MAP4: variants seen among roughly 807,000 people sequenced by gnomAD.
MAP4 encodes microtubule-associated protein 4.
MAP4 carries 76 observed loss-of-function variants against 170.2 expected under a neutral mutation model. That is an observed-to-expected ratio of 0.45 (90% CI 0.37 to 0.54). The LOEUF (loss-of-function observed/expected upper bound fraction) is 0.54. Among genes scored for constraint, MAP4 ranks in the 20% least tolerant of loss-of-function variants. The pLI, the probability that MAP4 is intolerant of heterozygous loss-of-function variation, is 0.00. For synonymous variants in MAP4, 909 were observed against 994.5 expected, an observed-to-expected ratio of 0.91 and a Z score of 1.62; for missense variants, 2,506 against 2,748.0, an observed-to-expected ratio of 0.91 and a Z score of 1.97.
At chr3:47,966,727 T>C (rs958198835) in intron 3 of MAP4, among the ~76,000 whole-genome samples, 8 of 152,200 alleles carry the variant, frequency 5.3e-5, no homozygotes, top group African/African-American at 1.9e-4. Flanking sequence ...TCATCATTTA[T>C]TGAAAACACC....
intron 3 of MAP4, among the ~76,000 whole-genome samples, chr3:47,958,434 T>C (rs2100069188): frequency 1.3e-5 from 2 of 152,330 alleles, no homozygotes; most frequent in South Asian, 4.1e-4. Flanking sequence ...GAACTTTCTC[T>C]TTGTTATATT....
In MAP4 at chr3:47,910,008, G is replaced by A; in HGVS notation, c.4413C>T (p.Ala1471=). 4 of 1,613,924 alleles carry A rather than the reference G, an allele frequency of 2.5e-6. No individual in the cohort carries two copies. Among genetic ancestry groups the A allele is most frequent in the Non-Finnish European group, 3.4e-6 (4 of 1,179,870 alleles). Residue 1471 remains alanine (A), a synonymous_variant, in exon 9 of 21, where the codon GCC becomes GCT. Transcript: ENST00000683076. ...CTACCATTAATGATTTGGAAATCTG[G>A]GCTGGGGCTATCTCTTGCCCATTTT... ...LAKNGQEIAP[A]QISKSLMVDN... is the part of the protein sequence containing the mutation.
intron 3 of MAP4, among the ~76,000 whole-genome samples, chr3:47,945,770 A>C (rs1445709521): frequency 6.6e-6 from 1 of 151,690 alleles, no homozygotes; most frequent in Non-Finnish European, 1.5e-5. Flanking sequence ...CCCAGGCTGG[A>C]GTGCAGTGGA....
intron 1 of MAP4, among the ~76,000 whole-genome samples, chr3:48,068,656 C>T (rs945817893): frequency 6.6e-5 from 10 of 152,100 alleles, no homozygotes; most frequent in East Asian, 3.9e-4. Context: ...TGGTGGCAGG[C>T]GCCTGTAATC....
At chr3:47,955,553 G>T (rs1338836813) in intron 3 of MAP4, among the ~76,000 whole-genome samples, 1 of 151,662 alleles carries the variant, frequency 6.6e-6, no homozygotes, top group East Asian at 1.9e-4. Flanking sequence ...AGATGCTTTA[G>T]TAAGACATAT....
chr3:47,959,989 A>C (rs2100070555), intron 3 of MAP4, among the ~76,000 whole-genome samples: 1 of 151,952 alleles, frequency 6.6e-6, no homozygotes, highest in African/African-American at 2.4e-5. Context: ...CAGCCTCCCA[A>C]GTAACTGGGA....
At chr3:47,895,320 G>A (rs541079520) in intron 10 of MAP4, among the ~76,000 whole-genome samples, 1 of 152,312 alleles carries the variant, frequency 6.6e-6, no homozygotes, top group Non-Finnish European at 1.5e-5. Flanking sequence ...CTCTATAAAA[G>A]GAGGGGAATC....
intron 1 of MAP4, among the ~76,000 whole-genome samples, chr3:48,076,629 A>T (rs1020918471): frequency 6.6e-6 from 1 of 152,004 alleles, no homozygotes; most frequent in East Asian, 1.9e-4. Context: ...CAGTGGGCAG[A>T]TATCATGCCA....
At position 47,915,978 on chromosome 3, in the gene MAP4, C is replaced by G; in HGVS notation, c.1849G>C (p.Ala617Pro). ...GGTGAAATCATGAAAGTAGGTGCAG[C>G]TGACTGCCCCACATCCTGCAGAGAT... ...LESLQDVGQS[A>P]APTFMISPET... Residue 617 changes from alanine (A) to proline (P), a missense_variant, in exon 7 of 21, where the codon GCT (alanine) becomes CCT (proline). Ala to Pro is a conservative substitution (Grantham distance 27). Around this residue, in one of 3 missense-constraint regions of MAP4, gnomAD observed 2,008 missense variants for 2,206.0 expected, o/e 0.91. Coordinates refer to ENST00000683076, the MANE Select transcript of MAP4 (RefSeq NM_001385682.1). 2 of 1,613,126 alleles carry G rather than the reference C, an allele frequency of 1.2e-6. No homozygotes were observed. Among genetic ancestry groups the G allele is most frequent in the Non-Finnish European group, 1.7e-6 (2 of 1,179,490 alleles).
intron 1 of MAP4, among the ~76,000 whole-genome samples, chr3:48,047,042 C>A (rs558405041): frequency 9.1e-4 from 137 of 151,304 alleles, no homozygotes; most frequent in African/African-American, 3.2e-3. Context: ...TGCAGTAAGC[C>A]GAGACCACAC....
At chr3:48,061,525 G>A (rs759544092) in intron 1 of MAP4, among the ~76,000 whole-genome samples, 7 of 139,360 alleles carry the variant, frequency 5.0e-5, no homozygotes, top group Non-Finnish European at 1.1e-4. Context: ...GTGCAGTGGC[G>A]TGATCTCAGC....
chr3:47,944,291 G>A (rs757288154), intron 3 of MAP4, among the ~76,000 whole-genome samples: 5 of 151,990 alleles, frequency 3.3e-5, no homozygotes, highest in Non-Finnish European at 7.4e-5. Context: ...GCCTGGGCGA[G>A]AGAGCAAAAC....
chr3:47,979,238 A>G (rs2100083996), intron 2 of MAP4, among the ~76,000 whole-genome samples: 2 of 136,774 alleles, frequency 1.5e-5, no homozygotes, highest in Non-Finnish European at 1.6e-5. Flanking sequence ...TAATTAGGTG[A>G]TTAGGTAGTT....
In MAP4 at chr3:47,857,782, C is replaced by T. The variant is rs974119838; in HGVS notation, c.6502-270G>A. Among the ~76,000 whole-genome samples the T allele has an allele frequency of 5.9e-5, 9 of 151,810 alleles. No homozygotes were observed. In the East Asian group the frequency reaches 1.7e-3, roughly 29 times the overall value. On this transcript the variant is annotated intron_variant, in intron 17 of 20. Coordinates refer to ENST00000683076, the MANE Select transcript of MAP4 (RefSeq NM_001385682.1). The stretch of plus-strand genomic sequence containing the variant: ...GGAGTACAGTGGTACGATCTCAGCT[C>T]GCTATAACCTCCGCCTCCTGGGGTC...
At chr3:47,930,181 C>T (rs540636045) in intron 3 of MAP4, among the ~76,000 whole-genome samples, 1 of 151,242 alleles carries the variant, frequency 6.6e-6, no homozygotes, top group Admixed American at 6.6e-5. Flanking sequence ...CGCGGTGGCT[C>T]ACGCCTGTAA....
chr3:48,005,187 C>T (rs2100101558), intron 1 of MAP4, among the ~76,000 whole-genome samples: 2 of 152,236 alleles, frequency 1.3e-5, no homozygotes, highest in South Asian at 4.1e-4. Context: ...TAGTGAAACC[C>T]TGTCTCTACT....
intron 8 of MAP4, among the ~76,000 whole-genome samples, chr3:47,913,292 T>C (rs796143368): frequency 5.9e-5 from 9 of 152,256 alleles, no homozygotes; most frequent in African/African-American, 2.2e-4. Flanking sequence ...ACCCAATAAA[T>C]TGATTTCCAA....
chr3:47,878,466 G>C (rs1382120874), intron 10 of MAP4, among the ~76,000 whole-genome samples: 3 of 152,108 alleles, frequency 2.0e-5, no homozygotes, highest in African/African-American at 7.2e-5. Flanking sequence ...TTATAGAAAA[G>C]AGATACAAAG....
chr3:48,050,718 C>G (rs1346677188), intron 1 of MAP4, among the ~76,000 whole-genome samples: 2 of 151,626 alleles, frequency 1.3e-5, no homozygotes, highest in African/African-American at 2.4e-5. Context: ...CCATCCTGGC[C>G]AACATGGTGA....
Sources: gnomAD v4.1 joint callset for allele counts (sites outside exome capture counted in the v4.1 genomes callset) on GRCh38, gnomAD v4.1.1 for gene constraint, gnomAD v4.1.1 regional missense constraint, MANE v1.5 for transcripts, NCBI Gene and HGNC (gene_info 2026-07-23, HGNC 2026-07-21) for gene names.